Variants in SCAI observed in about 807,000 individuals in gnomAD.
SCAI encodes the protein protein SCAI.
SCAI carries 24 observed loss-of-function variants against 92.2 expected under a neutral mutation model. The observed-to-expected ratio is 0.26, with a 90% CI of 0.19 to 0.37. The LOEUF (loss-of-function observed/expected upper bound fraction) is 0.37, where lower values mean the gene tolerates loss of function less well. Ranked by LOEUF, SCAI falls within the 10% of genes least tolerant of loss-of-function variation. The pLI is 1.00. For synonymous variants in SCAI, 261 were observed against 258.6 expected (o/e 1.01, Z -0.09); for missense variants, 450 against 736.2 (o/e 0.61, Z 4.50).
intron 9 of SCAI, among the ~76,000 whole-genome samples, chr9:125,009,932 C>T (rs933821579): frequency 1.3e-5 from 2 of 152,026 alleles, no homozygotes; most frequent in African/African-American, 2.4e-5. Flanking sequence ...CGAGGAGGCA[C>T]GCCTGTAATC....
At chr9:124,955,421 C>T (rs912830348) in intron 17 of SCAI, among the ~76,000 whole-genome samples, 3 of 151,554 alleles carry the variant, frequency 2.0e-5, no homozygotes, top group Non-Finnish European at 2.9e-5. Context: ...TAAATAAGGC[C>T]GGGTGTGATG....
At chr9:125,060,013 T>C (rs889624694) in intron 2 of SCAI, among the ~76,000 whole-genome samples, 8 of 152,190 alleles carry the variant, frequency 5.3e-5, no homozygotes, top group African/African-American at 1.9e-4. Flanking sequence ...AATCTAAATC[T>C]TTCCCTGGCA....
At chr9:124,970,441 G>A (rs1312343626) in intron 17 of SCAI, among the ~76,000 whole-genome samples, 5 of 151,858 alleles carry the variant, frequency 3.3e-5, no homozygotes, top group Admixed American at 6.6e-5. Context: ...TTTCAGGGCC[G>A]GGTGCAGTGG....
intron 1 of SCAI, among the ~76,000 whole-genome samples, chr9:125,143,079 C>G (rs1835707293): frequency 6.7e-6 from 1 of 149,782 alleles, no homozygotes; most frequent in African/African-American, 2.5e-5. Flanking sequence ...CCTCTCCGGG[C>G]CCGGCGACCC....
chr9:124,983,077 A>C (rs1831919539), intron 14 of SCAI, among the ~76,000 whole-genome samples: 1 of 151,840 alleles, frequency 6.6e-6, no homozygotes, highest in East Asian at 1.9e-4. Context: ...TCTTGAGCCC[A>C]GGAGTATGAG....
chr9:125,136,461 T>C (rs1213214648), intron 2 of SCAI, among the ~76,000 whole-genome samples: 2 of 139,484 alleles, frequency 1.4e-5, no homozygotes, highest in Non-Finnish European at 3.1e-5. Flanking sequence ...CCTTTCTTTT[T>C]TTTTTTTTTT....
intron 17 of SCAI, among the ~76,000 whole-genome samples, chr9:124,966,684 T>G (rs1374286761): frequency 1.3e-5 from 2 of 152,156 alleles, no homozygotes; most frequent in Non-Finnish European, 2.9e-5. Context: ...ACTGACCTAC[T>G]GCACTTAAAC....
intron 2 of SCAI, among the ~76,000 whole-genome samples, chr9:125,095,499 G>A (rs940081330): frequency 3.3e-5 from 5 of 152,148 alleles, no homozygotes; most frequent in African/African-American, 4.8e-5. Context: ...CCTACAATAC[G>A]TGTTCTCTCC....
chr9:124,964,182 T>A (rs1466835833), intron 17 of SCAI, among the ~76,000 whole-genome samples: 1 of 152,180 alleles, frequency 6.6e-6, no homozygotes, highest in Non-Finnish European at 1.5e-5. Context: ...TTGTCTAATG[T>A]CCATTTGTTT....
intron 2 of SCAI, among the ~76,000 whole-genome samples, chr9:125,100,082 C>A (rs1373020430): frequency 6.6e-6 from 1 of 152,186 alleles, no homozygotes. Flanking sequence ...CATATAATAA[C>A]TCTATGTTTA....
At chr9:125,020,098 A>T (rs867206356) in intron 7 of SCAI, among the ~76,000 whole-genome samples, 1 of 150,876 alleles carries the variant, frequency 6.6e-6, no homozygotes, top group African/African-American at 2.4e-5. Flanking sequence ...AAAAAAAAAA[A>T]CCCCACAAAA....
intron 14 of SCAI, among the ~76,000 whole-genome samples, chr9:124,984,453 A>C (rs1831947012): frequency 6.6e-6 from 1 of 152,254 alleles, no homozygotes; most frequent in South Asian, 2.1e-4. Context: ...AGGCTACTGC[A>C]GTAATTCAGG....
At chr9:125,038,167 G>A (rs1386924236) in intron 3 of SCAI, among the ~76,000 whole-genome samples, 1 of 152,122 alleles carries the variant, frequency 6.6e-6, no homozygotes, top group Non-Finnish European at 1.5e-5. Context: ...TGAGGTGGGA[G>A]GATCAATTGA....
intron 2 of SCAI, among the ~76,000 whole-genome samples, chr9:125,062,627 C>A (rs1346351374): frequency 2.0e-5 from 3 of 151,150 alleles, no homozygotes; most frequent in Non-Finnish European, 1.5e-5. Context: ...TGGTGGCACA[C>A]GCCTGTAATC....
intron 2 of SCAI, among the ~76,000 whole-genome samples, chr9:125,105,648 A>G (rs1432337454): frequency 6.6e-6 from 1 of 152,250 alleles, no homozygotes; most frequent in Non-Finnish European, 1.5e-5. Flanking sequence ...ACAGATAAAT[A>G]CTTTGGCACA....
At chr9:124,959,011 A>AT (rs1831378270) in intron 17 of SCAI, among the ~76,000 whole-genome samples, 2 of 151,950 alleles carry the variant, frequency 1.3e-5, no homozygotes. Context: ...AAAAACTCAG[A>AT]TTTTTCATCG....
At chr9:125,023,494 CTTAA>C (rs1358217079) in intron 6 of SCAI, among the ~76,000 whole-genome samples, 1 of 152,048 alleles carries the variant, frequency 6.6e-6, no homozygotes, top group East Asian at 1.9e-4. Context: ...ATATGAATGA[CTTAA>C]TTCTGTTACT....
rs568819158 is a variant in SCAI at position 125,077,432 on chromosome 9, T to C, written c.99-21425A>G. 1.8e-4 allele frequency among the ~76,000 whole-genome samples: 27 copies of C among 152,324 alleles called. 1 individual carries two copies. The South Asian group carries it at 5.6e-3, about 32-fold the overall frequency. On this transcript the variant is annotated intron_variant, in intron 2 of 17. Transcript: ENST00000336505. ...AAATATTTGCCTACAAGATTTTGTA[T>C]AGACATGTTTTCATTTCTTCTGGGG...
intron 14 of SCAI, among the ~76,000 whole-genome samples, chr9:124,991,768 C>T (rs760251597): frequency 1.6e-4 from 25 of 152,010 alleles, no homozygotes; most frequent in South Asian, 1.2e-3. Context: ...ACCCAGGAAG[C>T]GGAGGTTTCA....
Sources: gnomAD v4.1 joint callset for allele counts (sites outside exome capture counted in the v4.1 genomes callset) on GRCh38, gnomAD v4.1.1 for gene constraint, MANE v1.5 for transcripts, NCBI Gene and HGNC (gene_info 2026-07-23, HGNC 2026-07-21) for gene names.